LOC128706665: variants seen among roughly 807,000 people sequenced by gnomAD.
At chr20:10,420,153 A>T in the LOC128706665 span, among the ~76,000 whole-genome samples, 1 of 152,204 alleles carries the variant, frequency 6.6e-6, no homozygotes, top group Non-Finnish European at 1.5e-5. Flanking sequence ...TAAGAAATGA[A>T]TACAATTAGT....
chr20:10,419,703 G>C, the LOC128706665 span, among the ~76,000 whole-genome samples: 1 of 152,190 alleles, frequency 6.6e-6, no homozygotes, highest in African/African-American at 2.4e-5. Flanking sequence ...CACCACAGTT[G>C]ATCTAACCCA....
the LOC128706665 span, among the ~76,000 whole-genome samples, chr20:10,431,186 T>TC: frequency 6.6e-6 from 1 of 152,178 alleles, no homozygotes; most frequent in Non-Finnish European, 1.5e-5. Context: ...CCCTGGAGGT[T>TC]CCTGCTTGAT....
At chr20:10,423,196 C>T in the LOC128706665 span, among the ~76,000 whole-genome samples, 20 of 152,098 alleles carry the variant, frequency 1.3e-4, 1 homozygote, top group African/African-American at 4.1e-4. Context: ...CCTAACACTT[C>T]GGGAGCCTGA....
chr20:10,424,351 T>C, the LOC128706665 span, among the ~76,000 whole-genome samples: 4 of 152,024 alleles, frequency 2.6e-5, no homozygotes, highest in Admixed American at 6.5e-5. Context: ...AGCCCATGAG[T>C]TCGAGACTGC....
chr20:10,419,433 T>G, the LOC128706665 span, among the ~76,000 whole-genome samples: 243 of 152,166 alleles, frequency 1.6e-3, 1 homozygote, highest in Middle Eastern at 0.014. Flanking sequence ...CCAATAAAAT[T>G]TCTGCAGTGA....
chr20:10,428,937 T>G, the LOC128706665 span, among the ~76,000 whole-genome samples: 9 of 152,180 alleles, frequency 5.9e-5, no homozygotes, highest in Non-Finnish European at 1.3e-4. Context: ...TACTGTGTCT[T>G]TGGGGTTCTA....
chr20:10,430,453 T>C, the LOC128706665 span, among the ~76,000 whole-genome samples: 5 of 152,208 alleles, frequency 3.3e-5, no homozygotes, highest in Admixed American at 6.5e-5. Flanking sequence ...TTAGCTATTA[T>C]TATTTTGATT....
chr20:10,413,936 T>C, the LOC128706665 span: 2 of 406,012 alleles, frequency 4.9e-6, no homozygotes, highest in African/African-American at 4.1e-5. Context: ...CTTTACCTAA[T>C]AAATAATAAA....
chr20:10,428,500 C>T, the LOC128706665 span, among the ~76,000 whole-genome samples: 1 of 152,162 alleles, frequency 6.6e-6, no homozygotes, highest in Non-Finnish European at 1.5e-5. Context: ...TAGGTATGAA[C>T]ACCTCTAACT....
chr20:10,433,005 G>A, the LOC128706665 span, among the ~76,000 whole-genome samples: 1 of 152,114 alleles, frequency 6.6e-6, no homozygotes, highest in Non-Finnish European at 1.5e-5. Flanking sequence ...CCCCCAGAAT[G>A]TTTTTATTTA....
chr20:10,424,331 G>A, the LOC128706665 span, among the ~76,000 whole-genome samples: 1 of 152,004 alleles, frequency 6.6e-6, no homozygotes, highest in African/African-American at 2.4e-5. Context: ...TCAGGCAGGG[G>A]GACTGCTTGA....
At chr20:10,419,258 TTACAGGG>T in the LOC128706665 span, among the ~76,000 whole-genome samples, 9 of 152,152 alleles carry the variant, frequency 5.9e-5, no homozygotes, top group African/African-American at 2.2e-4. Flanking sequence ...TGCTTTACAA[TTACAGGG>T]TCACAGTTCT....
At chr20:10,431,055 G>A in the LOC128706665 span, among the ~76,000 whole-genome samples, 1 of 152,160 alleles carries the variant, frequency 6.6e-6, no homozygotes, top group Admixed American at 6.5e-5. Context: ...ATTATGAAGA[G>A]AACTATATAC....
At chr20:10,430,483 C>T in the LOC128706665 span, among the ~76,000 whole-genome samples, 4 of 152,102 alleles carry the variant, frequency 2.6e-5, no homozygotes, top group Admixed American at 2.6e-4. Flanking sequence ...AGAAAAAAAA[C>T]ATTACTGGAA....
At chr20:10,429,526 A>T in the LOC128706665 span, among the ~76,000 whole-genome samples, 1 of 152,064 alleles carries the variant, frequency 6.6e-6, no homozygotes, top group Non-Finnish European at 1.5e-5. Flanking sequence ...GTCTCAATTC[A>T]TCTCATATAA....
At chr20:10,418,965 C>T in the LOC128706665 span, among the ~76,000 whole-genome samples, 1 of 152,036 alleles carries the variant, frequency 6.6e-6, no homozygotes, top group Non-Finnish European at 1.5e-5. Context: ...TGTTAAGCTT[C>T]TATGTTACTA....
At chr20:10,433,615 A>G in the LOC128706665 span, among the ~76,000 whole-genome samples, 115 of 152,346 alleles carry the variant, frequency 7.5e-4, 2 homozygotes, top group East Asian at 3.9e-4. Context: ...CAAGGTCCAC[A>G]GCCCTGCAAG....
chr20:10,415,763 A>T, the LOC128706665 span, among the ~76,000 whole-genome samples: 1 of 152,256 alleles, frequency 6.6e-6, no homozygotes, highest in East Asian at 1.9e-4. Flanking sequence ...AATACTTAAT[A>T]GTGTCATGTA....
chr20:10,421,347 T>G, the LOC128706665 span, among the ~76,000 whole-genome samples: 1 of 151,116 alleles, frequency 6.6e-6, no homozygotes, highest in East Asian at 1.9e-4. Flanking sequence ...TTGCTTGAAC[T>G]TGGGAGGTGG....
Sources: gnomAD v4.1 joint callset for allele counts (sites outside exome capture counted in the v4.1 genomes callset) on GRCh38, gnomAD v4.1.1 for gene constraint, MANE v1.5 for transcripts.